Variants in NANS observed in about 807,000 individuals in gnomAD.
The protein encoded by NANS is N-acetylneuraminate synthase.
A neutral mutation model predicts 33.3 loss-of-function variants in NANS; 29 were observed. That is an observed-to-expected ratio of 0.87 (90% confidence interval 0.65 to 1.19). NANS has a LOEUF of 1.19. Ranked by LOEUF, NANS falls within the 50% of genes most tolerant of loss-of-function variation. The probability of loss-of-function intolerance (pLI) is 0.00; values close to 1 mark genes in which losing one functional copy is unlikely to be tolerated. For missense variants in NANS, 394 were observed against 461.1 expected (o/e 0.85, Z 1.33); for synonymous variants, 163 against 177.2 (o/e 0.92, Z 0.64).
chr9:98,066,912 A>G (rs1423704951), intron 2 of NANS, among the ~76,000 whole-genome samples: 3 of 152,140 alleles, frequency 2.0e-5, no homozygotes, highest in Non-Finnish European at 2.9e-5. Context: ...TGGCCTCCCA[A>G]AGTGCTGGGA....
intron 2 of NANS, 92 bp from the exon 3 acceptor site, chr9:98,076,826 G>C: frequency 1.0e-6 from 1 of 992,258 alleles, no homozygotes; most frequent in Non-Finnish European, 1.5e-6. Flanking sequence ...CTAAGATGAG[G>C]GGTTTTTCTA....
In NANS at chr9:98,070,274, T is replaced by C. The variant is rs773195982; in HGVS notation, c.349-6644T>C. Reference sequence around the variant, plus strand: ...CTGGGACTACAGGTGTATGCCACCATGCCCAGCTAATTTTTGTATTTTTAG... The same window carrying C: ...CTGGGACTACAGGTGTATGCCACCACGCCCAGCTAATTTTTGTATTTTTAG... On this transcript the variant is annotated intron_variant, in intron 2 of 5. Coordinates refer to ENST00000210444, the MANE Select transcript of NANS (RefSeq NM_018946.4). Among the ~76,000 whole-genome samples the C allele has an allele frequency of 4.6e-5, 7 of 152,176 alleles. No homozygotes were observed. The East Asian group carries it at 7.7e-4, about 17-fold the overall frequency.
At chr9:98,058,165 C>T (rs537689263) in intron 1 of NANS, among the ~76,000 whole-genome samples, 2 of 152,188 alleles carry the variant, frequency 1.3e-5, no homozygotes, top group South Asian at 4.2e-4. Flanking sequence ...AATCTGCCCA[C>T]CTTGGCCTCC....
intron 5 of NANS, among the ~76,000 whole-genome samples, chr9:98,082,531 T>A (rs761839873): frequency 2.0e-5 from 3 of 152,182 alleles, no homozygotes; most frequent in African/African-American, 7.2e-5. Flanking sequence ...ACAGGATAAG[T>A]TTCCATTTGA....
At chr9:98,080,704 G>T (rs1770773114) in intron 4 of NANS, 112 bp from the exon 5 acceptor site, 1 of 1,226,394 alleles carries the variant, frequency 8.2e-7, no homozygotes. Flanking sequence ...CTTGCCCCTG[G>T]CTGCACAGCT....
intron 4 of NANS, among the ~76,000 whole-genome samples, chr9:98,079,116 T>G (rs953093479): frequency 1.3e-5 from 2 of 152,178 alleles, no homozygotes; most frequent in Non-Finnish European, 2.9e-5. Context: ...ACTCAGTCAT[T>G]TCACAGATGG....
rs7846880 is a variant in NANS, at chr9:98,060,658, G to A, written c.133-124G>A. The A allele has an allele frequency of 0.24, 236,114 of 979,086 alleles. 36,487 individuals are homozygous for A. The highest frequency in any genetic ancestry group is 0.62 in the African/African-American group (37,453 of 60,630). The allele number at this position is 979,086 out of a possible 1,614,324, so 60.6% of individuals were successfully genotyped here. A position where few individuals can be genotyped will look rare whatever the true frequency, so the allele number is the denominator to read the frequency against. On this transcript the variant is annotated intron_variant, in intron 1 of 5. Transcript: ENST00000210444. Reference sequence around the variant, plus strand: ...TGCACTCCAGCCTGGGTGAAAGAGCGAAACTCTGTCTCTAAATAAATAAAT... The same window carrying A: ...TGCACTCCAGCCTGGGTGAAAGAGCAAAACTCTGTCTCTAAATAAATAAAT...
chr9:98,066,971 A>C (rs1270213557), intron 2 of NANS, among the ~76,000 whole-genome samples: 1 of 152,076 alleles, frequency 6.6e-6, no homozygotes, highest in African/African-American at 2.4e-5. Flanking sequence ...GTCTCTATAA[A>C]TTTGCCTATT....
chr9:98,072,744 A>C (rs1355477144), intron 2 of NANS, among the ~76,000 whole-genome samples: 2 of 152,074 alleles, frequency 1.3e-5, no homozygotes, highest in African/African-American at 4.8e-5. Flanking sequence ...TACGAGAGTT[A>C]ATTTACCTTG....
chr9:98,075,315 GAA>G (rs573564925), intron 2 of NANS: 89 of 127,644 alleles, frequency 7.0e-4, no homozygotes, highest in African/African-American at 3.0e-3. Flanking sequence ...GATGGAAGGG[GAA>G]AAGAGAAGAG....
At chr9:98,060,171 C>T (rs1312939242) in intron 1 of NANS, among the ~76,000 whole-genome samples, 2 of 151,950 alleles carry the variant, frequency 1.3e-5, no homozygotes, top group African/African-American at 4.8e-5. Context: ...TTCCTTAACT[C>T]TTTGATCCAA....
At chr9:98,069,518 C>G (rs183572826) in intron 2 of NANS, 1 of 152,244 alleles carries the variant, frequency 6.6e-6, no homozygotes, top group Non-Finnish European at 1.5e-5. Context: ...GTGATCCACC[C>G]ACATCGGCCT....
chr9:98,067,256 C>T (rs1829175339), intron 2 of NANS, among the ~76,000 whole-genome samples: 1 of 152,148 alleles, frequency 6.6e-6, no homozygotes, highest in South Asian at 2.1e-4. Flanking sequence ...GTTCATTTCT[C>T]TTCGGTATTA....
chr9:98,080,071 G>A (rs1174612121), intron 4 of NANS, among the ~76,000 whole-genome samples: 1 of 152,128 alleles, frequency 6.6e-6, no homozygotes, highest in Admixed American at 6.6e-5. Context: ...AAAATTAGCT[G>A]GGCGTGGTGG....
intron 2 of NANS, among the ~76,000 whole-genome samples, chr9:98,068,330 G>C (rs1829210004): frequency 6.6e-6 from 1 of 151,740 alleles, no homozygotes; most frequent in Non-Finnish European, 1.5e-5. Flanking sequence ...GGTAGAGATG[G>C]AGTTTCACCT....
rs1333507289 is a variant in NANS at position 98,063,250 on chromosome 9, TTTGC to T, written c.348+2257_348+2260del. On this transcript the variant is annotated intron_variant, in intron 2 of 5. Coordinates refer to ENST00000210444, the MANE Select transcript of NANS (RefSeq NM_018946.4). Reference sequence around the variant, plus strand: ...AGCCCAGTTTTATTTTTTGTTGTTGTTTGCTTGTTTTGAGACAGAGTCTCACTGT... The same window carrying T: ...AGCCCAGTTTTATTTTTTGTTGTTGTTTGTTTTGAGACAGAGTCTCACTGT... Among the ~76,000 whole-genome samples, 3 of 151,592 alleles carry T rather than the reference TTTGC, an allele frequency of 2.0e-5. No homozygotes were observed. In the East Asian group the frequency reaches 5.8e-4, roughly 29 times the overall value.
chr9:98,069,038 T>C (rs1416599832), intron 2 of NANS, among the ~76,000 whole-genome samples: 1 of 152,212 alleles, frequency 6.6e-6, no homozygotes, highest in Admixed American at 6.5e-5. Context: ...GAGTTTCTTA[T>C]AAAGCTAGAT....
chr9:98,059,527 C>A (rs1828917237), intron 1 of NANS, among the ~76,000 whole-genome samples: 1 of 152,054 alleles, frequency 6.6e-6, no homozygotes, highest in Admixed American at 6.6e-5. Flanking sequence ...CGATCCTCCC[C>A]CCTCAGCCTC....
At position 98,078,329 on chromosome 9, in the gene NANS, C is replaced by G; in HGVS notation, c.585C>G (p.Val195=). The change falls in exon 4 of 6, where the codon GTC becomes GTG. Residue 195 remains valine, a synonymous_variant. Transcript: ENST00000210444. ...TSAYPLQPED[V]NLRVISEYQK... ...CATACCCGCTCCAGCCTGAGGACGT[C>G]AACCTGCGGGTCATCTCGGTGAGCA... is the stretch of plus-strand genomic sequence containing the variant. The G allele has an allele frequency of 6.2e-7, 1 of 1,614,028 alleles. No individual in the cohort carries two copies. Among genetic ancestry groups the G allele is most frequent in the Non-Finnish European group, 8.5e-7 (1 of 1,179,988 alleles).
Sources: allele counts gnomAD v4.1 joint callset (sites outside exome capture counted in the v4.1 genomes callset), GRCh38; gene constraint gnomAD v4.1.1; transcripts MANE v1.5; gene names NCBI Gene and HGNC (gene_info 2026-07-23, HGNC 2026-07-21).